The following KIAA1217 variants were observed in gnomAD, a reference collection of about 807,000 sequenced individuals.
The protein encoded by KIAA1217 is KIAA1217.
A neutral mutation model predicts 163.9 loss-of-function variants in KIAA1217; 88 were observed. The ratio of observed to expected loss-of-function variants is 0.54; its 90% CI spans 0.45 to 0.64. KIAA1217 has a LOEUF of 0.64. Ranked by LOEUF, KIAA1217 falls within the 30% of genes least tolerant of loss-of-function variation. The probability of loss-of-function intolerance (pLI) is 0.00; values close to 1 mark genes in which losing one functional copy is unlikely to be tolerated. For missense variants in KIAA1217, 2,372 were observed against 2,475.0 expected (o/e 0.96, Z 0.88); for synonymous variants, 903 against 923.1 (o/e 0.98, Z 0.39).
At chr10:24,033,865 G>T (rs1387688522) in intron 2 of KIAA1217, among the ~76,000 whole-genome samples, 1 of 152,188 alleles carries the variant, frequency 6.6e-6, no homozygotes, top group Non-Finnish European at 1.5e-5. Context: ...TTACACTCCA[G>T]TGGTGACACT....
At chr10:24,172,264 T>C (rs1403725458) in intron 2 of KIAA1217, among the ~76,000 whole-genome samples, 1 of 152,236 alleles carries the variant, frequency 6.6e-6, no homozygotes, top group East Asian at 1.9e-4. Context: ...GGAAACGCTG[T>C]CAAATAATTT....
chr10:23,796,394 C>G (rs1201088558), intron 1 of KIAA1217, among the ~76,000 whole-genome samples: 4 of 151,514 alleles, frequency 2.6e-5, no homozygotes, highest in Admixed American at 2.6e-4. Context: ...GACGAAGTCT[C>G]ACTCTGTCAC....
intron 1 of KIAA1217, among the ~76,000 whole-genome samples, chr10:23,881,599 A>G (rs914122820): frequency 6.6e-6 from 1 of 152,028 alleles, no homozygotes; most frequent in Admixed American, 6.6e-5. Context: ...GCATTATGTA[A>G]GACTAATGCC....
At chr10:24,391,399 G>A (rs2054959277) in intron 3 of KIAA1217, among the ~76,000 whole-genome samples, 2 of 137,330 alleles carry the variant, frequency 1.5e-5, no homozygotes, top group Non-Finnish European at 3.0e-5. Context: ...AGGCTGGAGT[G>A]CAGTGGTGTG....
In KIAA1217 at chr10:24,280,491, G is replaced by C. The variant is rs192023552; in HGVS notation, c.354+60582G>C. Among the ~76,000 whole-genome samples the C allele has an allele frequency of 1.3e-3, 203 of 152,202 alleles. 2 individuals carry two copies. The highest frequency in any genetic ancestry group is 4.4e-3 in the African/African-American group (182 of 41,530). ...TTCTAGATTGAAAATGACCTTTTCCGCACAGGTAAATAAAATGTTTCCATA... is the reference window on the plus strand; with the variant it reads ...TTCTAGATTGAAAATGACCTTTTCCCCACAGGTAAATAAAATGTTTCCATA... On this transcript the variant is annotated intron_variant, in intron 2 of 20. Transcript: ENST00000376454.
At chr10:24,346,005 TTCTGTC>T (rs1374468798) in intron 2 of KIAA1217, among the ~76,000 whole-genome samples, 9 of 152,268 alleles carry the variant, frequency 5.9e-5, no homozygotes, top group East Asian at 5.8e-4. Context: ...CCATTCTACT[TTCTGTC>T]TCTGTGAGCT....
At chr10:23,997,983 CTTT>C (rs75499779) in intron 1 of KIAA1217, among the ~76,000 whole-genome samples, 4 of 147,060 alleles carry the variant, frequency 2.7e-5, no homozygotes, top group African/African-American at 1.0e-4. Flanking sequence ...AGGGGGCTTT[CTTT>C]TTTTTTTTCC....
At chr10:23,949,724 A>G (rs1844241358) in intron 1 of KIAA1217, among the ~76,000 whole-genome samples, 1 of 152,198 alleles carries the variant, frequency 6.6e-6, no homozygotes, top group African/African-American at 2.4e-5. Context: ...TTTTTATTTT[A>G]AAAAGTTGAA....
chr10:23,755,723 G>A (rs879844040), intron 1 of KIAA1217, among the ~76,000 whole-genome samples: 1 of 152,170 alleles, frequency 6.6e-6, no homozygotes, highest in Non-Finnish European at 1.5e-5. Context: ...AAGTTTGACT[G>A]TGCTGTGTAT....
intron 2 of KIAA1217, among the ~76,000 whole-genome samples, chr10:24,373,846 A>G (rs1174696296): frequency 2.0e-5 from 3 of 152,192 alleles, no homozygotes; most frequent in Admixed American, 6.5e-5. Flanking sequence ...GGCTGGCTCC[A>G]TATGAGCTGC....
chr10:23,739,216 G>C (rs1838970051), intron 1 of KIAA1217, among the ~76,000 whole-genome samples: 1 of 152,176 alleles, frequency 6.6e-6, no homozygotes, highest in African/African-American at 2.4e-5. Context: ...CATGGACACA[G>C]AGTATGGAAT....
chr10:24,255,835 A>C (rs763571444), intron 2 of KIAA1217, among the ~76,000 whole-genome samples: 1 of 152,128 alleles, frequency 6.6e-6, no homozygotes, highest in Non-Finnish European at 1.5e-5. Context: ...ATGGTAATTA[A>C]ATTGCTTTTC....
At chr10:24,185,335 C>T (rs2066372523) in intron 2 of KIAA1217, among the ~76,000 whole-genome samples, 1 of 152,124 alleles carries the variant, frequency 6.6e-6, no homozygotes, top group South Asian at 2.1e-4. Context: ...TGAGAATCTC[C>T]TCCAAGACAT....
At chr10:24,232,812 G>T (rs1432097119) in intron 2 of KIAA1217, among the ~76,000 whole-genome samples, 1 of 151,558 alleles carries the variant, frequency 6.6e-6, no homozygotes, top group Non-Finnish European at 1.5e-5. Flanking sequence ...TTCGAGGTTG[G>T]CATTGAACAT....
intron 2 of KIAA1217, among the ~76,000 whole-genome samples, chr10:24,251,603 G>A (rs2074547570): frequency 6.6e-6 from 1 of 151,972 alleles, no homozygotes; most frequent in Admixed American, 6.6e-5. Context: ...CTAAAGCTAA[G>A]TAACAGCTGC....
At chr10:24,224,928 G>A (rs1000343218) in intron 2 of KIAA1217, among the ~76,000 whole-genome samples, 26 of 147,910 alleles carry the variant, frequency 1.8e-4, no homozygotes, top group Non-Finnish European at 2.7e-4. Context: ...CCAGGTTCAC[G>A]CCATTCTCCT....
chr10:24,073,979 G>A (rs775480855), intron 2 of KIAA1217, among the ~76,000 whole-genome samples: 5 of 152,078 alleles, frequency 3.3e-5, no homozygotes, highest in Non-Finnish European at 7.3e-5. Context: ...GTGTACTGCA[G>A]TAGAACAAAA....
intron 1 of KIAA1217, among the ~76,000 whole-genome samples, chr10:23,830,898 T>A (rs1292533651): frequency 2.0e-5 from 3 of 151,810 alleles, no homozygotes; most frequent in Non-Finnish European, 4.4e-5. Flanking sequence ...AAAACAGATG[T>A]GAAACTGCAG....
intron 1 of KIAA1217, among the ~76,000 whole-genome samples, chr10:23,958,676 A>T (rs1404970999): frequency 6.6e-6 from 1 of 152,026 alleles, no homozygotes; most frequent in East Asian, 1.9e-4. Context: ...AGAGAGAGAG[A>T]GTGAGAGATT....
Sources: gnomAD v4.1 joint callset for allele counts (sites outside exome capture counted in the v4.1 genomes callset) on GRCh38, gnomAD v4.1.1 for gene constraint, MANE v1.5 for transcripts, NCBI Gene and HGNC (gene_info 2026-07-23, HGNC 2026-07-21) for gene names.